Variants in MVD observed in about 807,000 individuals in gnomAD.
MVD encodes mevalonate diphosphate decarboxylase, also known as diphosphomevalonate decarboxylase.
Under a neutral mutation model 42.4 loss-of-function variants are expected in MVD, and 52 were observed. The observed-to-expected ratio is 1.23, with a 90% CI of 0.98 to 1.55. The LOEUF is 1.55. Among genes scored for constraint, MVD ranks in the 40% most tolerant of loss-of-function variants. The pLI, the probability that MVD is intolerant of heterozygous loss-of-function variation, is 0.00. For missense variants in MVD, 663 were observed against 572.1 expected, an observed-to-expected ratio of 1.16 and a Z score of -1.62; for synonymous variants, 287 against 243.2, an observed-to-expected ratio of 1.18 and a Z score of -1.68.
chr16:88,655,356 C>A lies in MVD; in HGVS notation c.740G>T (p.Arg247Leu). Residue 247 changes from arginine (R) to leucine (L), a missense_variant, in exon 7 of 10, where the codon CGA becomes CTA. Transcript: ENST00000301012. ...CAGCTGGGCGAAGCTGGGGAAGTCT[C>A]GCTCCCGGATGCAGCGGGCCATCTC... is the stretch of plus-strand genomic sequence containing the variant. ...MAEMARCIRE[R>L]DFPSFAQLTM... is the part of the protein sequence containing the mutation. The A allele has an allele frequency of 1.2e-6, 2 of 1,601,806 alleles. No homozygotes were observed. The highest frequency in any genetic ancestry group is 2.3e-5 in the East Asian group (1 of 44,220).
intron 4 of MVD, chr16:88,657,162 G>A (rs989351083): frequency 1.5e-6 from 1 of 647,794 alleles, no homozygotes; most frequent in Non-Finnish European, 2.8e-6. Flanking sequence ...GCCCAGGCTG[G>A]TCTTGAACTC....
At chr16:88,662,956 C>A in intron 1 of MVD, 55 bp downstream of exon 1, 1 of 1,562,294 alleles carries the variant, frequency 6.4e-7, no homozygotes, top group Non-Finnish European at 8.7e-7. Flanking sequence ...GCGACCCCCG[C>A]GTACCCGGCC....
chr16:88,655,281 G>T lies in MVD; in HGVS notation c.815C>A (p.Pro272Gln). 6.3e-7 allele frequency: 1 copy of T among 1,592,550 alleles called. No individual in the cohort carries two copies. The highest frequency in any genetic ancestry group is 2.3e-5 in the East Asian group (1 of 43,830). The change falls in exon 7 of 10, where the codon CCG becomes CAG. Residue 272 changes from proline (P) to glutamine (Q), a missense_variant. Pro to Gln is a moderately conservative substitution (Grantham distance 76, BLOSUM62 -1). Coordinates refer to ENST00000301012, the MANE Select transcript of MVD (RefSeq NM_002461.3). Reference sequence around the variant, plus strand: ...GATGGCATTGAGGTAAGAGATGGGCGGGAAGGTGTCGAGGCAGGTGGCGTG... The same window carrying T: ...GATGGCATTGAGGTAAGAGATGGGCTGGAAGGTGTCGAGGCAGGTGGCGTG... ...QFHATCLDTF[P>Q]PISYLNAISW... is the part of the protein sequence containing the mutation.
At chr16:88,658,501 G>T in intron 2 of MVD, 149 bp downstream of exon 2, 1 of 745,706 alleles carries the variant, frequency 1.3e-6, no homozygotes, top group Non-Finnish European at 2.3e-6. Context: ...TGCGATCATG[G>T]TTCACTGTGG....
Position 88,657,965 on chromosome 16 carries a change from C to T in MVD, c.206G>A (p.Gly69Asp). Residue 69 changes from glycine to aspartate, a missense_variant, in exon 3 of 10, where the codon GGC becomes GAC. By Grantham distance (94) the Gly-to-Asp change is moderately conservative. Transcript: ENST00000301012. ...CGGCTGCCCCACATCCTCCTCCCGG[C>T]CATTCAGCCAAATCCGGTCCTCGGT... ...DFTEDRIWLNGREEDVGQPRL... is the reference protein window; with the variant it reads ...DFTEDRIWLNDREEDVGQPRL... The T allele has an allele frequency of 1.2e-6, 2 of 1,613,998 alleles. No homozygotes were observed. The highest frequency in any genetic ancestry group is 1.7e-6 in the Non-Finnish European group (2 of 1,180,038).
At chr16:88,658,954 C>A (rs1267664387) in intron 1 of MVD, 114 of 541,400 alleles carry the variant, frequency 2.1e-4, no homozygotes, top group Non-Finnish European at 3.0e-5. Flanking sequence ...TCCGTCCCCG[C>A]TCCCCATTCC....
intron 1 of MVD, among the ~76,000 whole-genome samples, chr16:88,660,098 T>C (rs79118681): frequency 0.019 from 2,862 of 151,948 alleles, 82 homozygotes; most frequent in African/African-American, 0.063. Context: ...CAGGAGTCAT[T>C]GGAGAGCACA....
chr16:88,652,546 G>A lies in MVD; in HGVS notation c.1182C>T (p.Gly394=). The A allele has an allele frequency of 6.4e-7, 1 of 1,573,428 alleles. No homozygotes were observed. Among genetic ancestry groups the A allele is most frequent in the Non-Finnish European group, 8.6e-7 (1 of 1,159,334 alleles). Residue 394 remains glycine (G), a synonymous_variant, in exon 10 of 10, where the codon GGC becomes GGT. Transcript: ENST00000301012. Reference sequence around the variant, plus strand: ...GCAGTCAGGCAGCTGGCTTCGGCAGGCCGTCAGGACCCAGGAGGTGGGCGC... The same window carrying A: ...GCAGTCAGGCAGCTGGCTTCGGCAGACCGTCAGGACCCAGGAGGTGGGCGC... ...DPCAHLLGPD[G]LPKPAA
intron 3 of MVD, 48 bp downstream of exon 3, chr16:88,657,867 A>T (rs56812649): frequency 0.065 from 101,875 of 1,567,732 alleles, 3,604 homozygotes; most frequent in Middle Eastern, 0.11. Context: ...GGATGCTCGG[A>T]CCCTGCTGAC....
intron 9 of MVD, 92 bp downstream of exon 9, chr16:88,653,208 G>A (rs1445940074): frequency 7.2e-5 from 69 of 954,884 alleles, no homozygotes; most frequent in Non-Finnish European, 2.1e-5. Context: ...GGGACAGGGA[G>A]CCGCGCTTAG....
At chr16:88,657,612 C>T (rs901281606) in intron 3 of MVD, 30 bp from the exon 4 acceptor site, 141 of 1,602,698 alleles carry the variant, frequency 8.8e-5, no homozygotes, top group Non-Finnish European at 1.2e-4. Context: ...GCGTGTGGCC[C>T]AGCCGTCAGC....
intron 1 of MVD, chr16:88,662,612 G>C: frequency 9.3e-7 from 1 of 1,076,168 alleles, no homozygotes; most frequent in South Asian, 1.7e-5. Context: ...CGCGATTTCC[G>C]CTCACTGCAG....
At chr16:88,657,152 G>A (rs1347511853) in intron 4 of MVD, 1 of 616,948 alleles carries the variant, frequency 1.6e-6, no homozygotes. Flanking sequence ...TCACTATGTT[G>A]CCCAGGCTGG....
At chr16:88,653,991 T>C (rs1328914595) in intron 8 of MVD, among the ~76,000 whole-genome samples, 1 of 151,766 alleles carries the variant, frequency 6.6e-6, no homozygotes, top group African/African-American at 2.4e-5. Context: ...CACCCTTAAA[T>C]GGGAGGCGCC....
Position 88,653,298 on chromosome 16 carries a change from A to T in MVD, c.1122+2T>A. 6.3e-7 allele frequency: 1 copy of T among 1,597,716 alleles called. No individual in the cohort carries two copies. Among genetic ancestry groups the T allele is most frequent in the Non-Finnish European group, 8.5e-7 (1 of 1,174,696 alleles). On this transcript the variant is annotated splice_donor_variant, in intron 9 of 9. Transcript: ENST00000301012. LOFTEE classifies it high-confidence loss of function. ...GGGTACTGGGTGAGCCCCAGGCCTC[A>T]CCTGAGTGACAATGATGTATTTGAC...
chr16:88,652,838 C>CA (rs1907660718), intron 9 of MVD, among the ~76,000 whole-genome samples: 1 of 152,182 alleles, frequency 6.6e-6, no homozygotes, highest in South Asian at 2.1e-4. Context: ...ACAGGGGGGA[C>CA]AGAGAACCAC....
intron 8 of MVD, among the ~76,000 whole-genome samples, chr16:88,654,165 C>T (rs1907755230): frequency 6.6e-6 from 1 of 151,928 alleles, no homozygotes; most frequent in South Asian, 2.1e-4. Flanking sequence ...CAGGGCCAAG[C>T]TGTGCACCGA....
At chr16:88,656,807 G>C (rs1408674981) in intron 4 of MVD, 2 of 251,668 alleles carry the variant, frequency 7.9e-6, no homozygotes, top group African/African-American at 4.5e-5. Context: ...TGGTCACCGA[G>C]GGTGGTTCAG....
chr16:88,661,467 G>A (rs952650473), intron 1 of MVD, among the ~76,000 whole-genome samples: 19 of 151,892 alleles, frequency 1.3e-4, no homozygotes, highest in Non-Finnish European at 2.6e-4. Context: ...CAGGTGATCC[G>A]CCCACCTCAG....
Sources: allele counts gnomAD v4.1 joint callset (sites outside exome capture counted in the v4.1 genomes callset), GRCh38; gene constraint gnomAD v4.1.1; transcripts MANE v1.5; gene names NCBI Gene and HGNC (gene_info 2026-07-23, HGNC 2026-07-21).